The following CFLAR variants were observed in gnomAD, a reference collection of about 807,000 sequenced individuals.
CFLAR encodes the protein CASP8 and FADD-like apoptosis regulator.
Under a neutral mutation model 51.1 loss-of-function variants are expected in CFLAR, and 14 were observed. That is an observed-to-expected ratio of 0.27 (90% confidence interval 0.18 to 0.43). The LOEUF is 0.43. CFLAR is among the 20% of genes least tolerant of loss of function. The probability of loss-of-function intolerance (pLI) is 1.00; values close to 1 mark genes in which losing one functional copy is unlikely to be tolerated. For synonymous variants in CFLAR, 210 were observed against 211.6 expected (o/e 0.99, Z 0.06); for missense variants, 390 against 566.5 (o/e 0.69, Z 3.16).
rs142172559 is a variant in CFLAR at position 201,131,742 on chromosome 2, A to G, written c.282-1287A>G. On this transcript the variant is annotated intron_variant, in intron 2 of 9. Transcript: ENST00000309955. ...TTTTGAGACAGGGTCTTGCTCTGTC[A>G]TCCAGGCTGGAGTGCAGTGGCATGA... 7.1e-3 allele frequency among the ~76,000 whole-genome samples: 1,071 copies of G among 151,396 alleles called. 10 individuals carry two copies. Among genetic ancestry groups the G allele is most frequent in the African/African-American group, 0.025 (1,013 of 41,238 alleles).
At chr2:201,145,992 G>A (rs907088784) in intron 6 of CFLAR, among the ~76,000 whole-genome samples, 14 of 151,310 alleles carry the variant, frequency 9.3e-5, no homozygotes, top group African/African-American at 1.2e-4. Flanking sequence ...TTGGAGACGG[G>A]GTCTCACTCT....
rs1486685325 is a variant in CFLAR at position 201,165,988 on chromosome 2, C to G, written c.*2015C>G. ...TCTCCCATGTCTACTTCTTTCTACA[C>G]AGACACAGCAACAATCTGATTTCTC... On this transcript the variant is annotated 3_prime_UTR_variant, in exon 10 of 10. Coordinates refer to ENST00000309955, the MANE Select transcript of CFLAR (RefSeq NM_003879.7). 3 of 200,858 alleles carry G rather than the reference C, an allele frequency of 1.5e-5. No individual in the cohort carries two copies. The highest frequency in any genetic ancestry group is 3.0e-5 in the Non-Finnish European group (3 of 100,798). 12.4% of individuals were successfully genotyped at this position (200,858 alleles called of 1,614,324 possible).
chr2:201,154,550 T>G (rs181892703), intron 8 of CFLAR: 5 of 152,380 alleles, frequency 3.3e-5, no homozygotes, highest in Non-Finnish European at 5.9e-5. Context: ...TTTATCTATC[T>G]CCTACTATGG....
intron 9 of CFLAR, among the ~76,000 whole-genome samples, chr2:201,162,053 C>T (rs533464396): frequency 1.3e-4 from 19 of 151,866 alleles, no homozygotes; most frequent in Non-Finnish European, 2.2e-4. Flanking sequence ...CAGCCACCTT[C>T]CAGATCTTTT....
intron 1 of CFLAR, among the ~76,000 whole-genome samples, chr2:201,126,464 AAAC>A (rs2048724809): frequency 6.6e-6 from 1 of 152,228 alleles, no homozygotes; most frequent in Non-Finnish European, 1.5e-5. Flanking sequence ...GCTGCCAGTG[AAAC>A]AGCCAAGATG....
At chr2:201,144,587 A>G (rs1939712459) in intron 5 of CFLAR, among the ~76,000 whole-genome samples, 1 of 152,242 alleles carries the variant, frequency 6.6e-6, no homozygotes. Context: ...TACAGAAGTT[A>G]AATAACTTGC....
At chr2:201,144,867 C>CA (rs1939777431) in intron 5 of CFLAR, among the ~76,000 whole-genome samples, 1 of 151,796 alleles carries the variant, frequency 6.6e-6, no homozygotes, top group Admixed American at 6.6e-5. Flanking sequence ...ATTTTTGTGA[C>CA]AGAGTTTCAC....
chr2:201,145,959 TA>T (rs1940056981), intron 6 of CFLAR, among the ~76,000 whole-genome samples: 1 of 152,036 alleles, frequency 6.6e-6, no homozygotes, highest in Non-Finnish European at 1.5e-5. Context: ...GATCATTTTT[TA>T]AAAGATTACT....
chr2:201,131,911 G>A (rs2125679661), intron 2 of CFLAR, among the ~76,000 whole-genome samples: 1 of 152,146 alleles, frequency 6.6e-6, no homozygotes, highest in Admixed American at 6.5e-5. Context: ...GACTTTACAA[G>A]GTTGTTGTGA....
At chr2:201,134,640 TTAAAA>T (rs60192551) in intron 3 of CFLAR, among the ~76,000 whole-genome samples, 2,091 of 142,894 alleles carry the variant, frequency 0.015, 43 homozygotes, top group African/African-American at 0.046. Flanking sequence ...ATCTCAAAAA[TTAAAA>T]TAAAATAAAA....
chr2:201,158,220 G>A (rs1348491752), intron 8 of CFLAR, among the ~76,000 whole-genome samples: 5 of 152,162 alleles, frequency 3.3e-5, no homozygotes, highest in Non-Finnish European at 5.9e-5. Context: ...TCCAAGGCTG[G>A]TTCCTCTTTT....
rs1178103286 is a variant in CFLAR at position 201,168,304 on chromosome 2, T to C, written c.*4331T>C. Reference sequence around the variant, plus strand: ...TGGAATGTTGGCTTCATCCCTGGGATGCAAGGCTGGTTCAACATACGCAAA... The same window carrying C: ...TGGAATGTTGGCTTCATCCCTGGGACGCAAGGCTGGTTCAACATACGCAAA... On this transcript the variant is annotated 3_prime_UTR_variant, in exon 10 of 10. Coordinates refer to ENST00000309955, the MANE Select transcript of CFLAR (RefSeq NM_003879.7). The C allele has an allele frequency of 6.6e-6, 1 of 152,180 alleles. No homozygotes were observed. Among genetic ancestry groups the C allele is most frequent in the East Asian group, 1.9e-4 (1 of 5,200 alleles). The allele number at this position is 152,180 out of a possible 1,614,324, so 9.4% of individuals were successfully genotyped here. A position where few individuals can be genotyped will look rare whatever the true frequency, so the allele number is the denominator to read the frequency against.
chr2:201,151,607 T>C (rs1941292938), intron 8 of CFLAR, among the ~76,000 whole-genome samples: 1 of 152,228 alleles, frequency 6.6e-6, no homozygotes, highest in African/African-American at 2.4e-5. Flanking sequence ...AAATATTTTC[T>C]TAATGAGTCA....
chr2:201,123,034 A>G (rs1441179301), intron 1 of CFLAR, among the ~76,000 whole-genome samples: 2 of 152,146 alleles, frequency 1.3e-5, no homozygotes, highest in African/African-American at 4.8e-5. Context: ...CTGAGCAAGT[A>G]TACCTGCCAA....
chr2:201,175,735 A>C lies in CFLAR; in HGVS notation c.*11762A>C, dbSNP rs142293891. On this transcript the variant is annotated 3_prime_UTR_variant, in exon 10 of 10. Transcript: ENST00000309955. ...CAGCAACCTCAATTCTTTCCTCCTC[A>C]GAAGAAAGAATTTGACTGAGGGGCA... The C allele has an allele frequency of 6.6e-6, 1 of 152,188 alleles. No homozygotes were observed. Among genetic ancestry groups the C allele is most frequent in the Non-Finnish European group, 1.5e-5 (1 of 68,040 alleles). The allele number at this position is 152,188 out of a possible 1,614,324, so 9.4% of individuals were successfully genotyped here. A position where few individuals can be genotyped will look rare whatever the true frequency, so the allele number is the denominator to read the frequency against.
intron 8 of CFLAR, among the ~76,000 whole-genome samples, chr2:201,156,068 C>T (rs113076787): frequency 2.6e-5 from 4 of 152,116 alleles, no homozygotes; most frequent in Non-Finnish European, 4.4e-5. Context: ...TTGTTTTATG[C>T]GTATTTATAA....
chr2:201,140,760 T>TATAG, intron 5 of CFLAR: 2 of 85,382 alleles, frequency 2.3e-5, no homozygotes, highest in South Asian at 5.0e-4. Flanking sequence ...TGTATGTATG[T>TATAG]ATATATATAT....
At position 201,160,849 on chromosome 2, in the gene CFLAR, G is replaced by T. The variant is rs1942903165; in HGVS notation, c.1211G>T (p.Ser404Ile). Reference protein sequence around the residue: ...TVHREADFFWSLCTADMSLLE... With the variant: ...TVHREADFFWILCTADMSLLE... ...CACCGAGAAGCTGACTTCTTCTGGA[G>T]CCTGTGTACTGCGGACATGTCCCTG... The change falls in exon 9 of 10, where the codon AGC becomes ATC. Residue 404 changes from serine (S) to isoleucine (I), a missense_variant. Ser to Ile is a moderately radical substitution (Grantham distance 142, BLOSUM62 -2). This residue lies in a region of CFLAR where 287 missense variants were observed against 363.6 expected (regional missense o/e 0.79). Coordinates refer to ENST00000309955, the MANE Select transcript of CFLAR (RefSeq NM_003879.7). 3.1e-6 allele frequency: 5 copies of T among 1,613,612 alleles called. No individual in the cohort carries two copies. The African/African-American group carries it at 6.7e-5, about 22-fold the overall frequency.
chr2:201,120,023 C>CTTTTTTTTTTT (rs34076189), intron 1 of CFLAR, among the ~76,000 whole-genome samples: 12 of 112,350 alleles, frequency 1.1e-4, no homozygotes, highest in African/African-American at 1.8e-4. Flanking sequence ...CTTTTCTTTT[C>CTTTTTTTTTTT]TTTTTTTTTT....
Sources: allele counts gnomAD v4.1 joint callset (sites outside exome capture counted in the v4.1 genomes callset), GRCh38; gene constraint gnomAD v4.1.1; regional missense constraint gnomAD v4.1.1; transcripts MANE v1.5; gene names NCBI Gene and HGNC (gene_info 2026-07-23, HGNC 2026-07-21).